The following TECRL variants were observed in gnomAD, a reference collection of about 807,000 sequenced individuals.
TECRL encodes the protein trans-2,3-enoyl-CoA reductase like.
TECRL carries 63 observed loss-of-function variants against 52.8 expected under a neutral mutation model. The observed-to-expected ratio is 1.19, with a 90% CI of 0.97 to 1.47. TECRL has a LOEUF of 1.47. TECRL is among the 40% of genes most tolerant of loss of function. TECRL has a pLI of 0.00. For missense variants in TECRL, 482 were observed against 429.6 expected, an observed-to-expected ratio of 1.12 and a Z score of -1.08; for synonymous variants, 164 against 141.9, an observed-to-expected ratio of 1.16 and a Z score of -1.10.
chr4:64,294,229 C>G lies in TECRL; in HGVS notation c.775-4462G>C, dbSNP rs927180234. Among the ~76,000 whole-genome samples the G allele has an allele frequency of 1.3e-5, 2 of 151,892 alleles. 1 individual carries two copies. Among genetic ancestry groups the G allele is most frequent in the South Asian group, 4.1e-4 (2 of 4,822 alleles). ...CTCAAACTCCTGACCTCAAGTGAAC[C>G]ACCTGCCTCAGCCTCGCAAAGAGCT... On this transcript the variant is annotated intron_variant, in intron 8 of 11. Transcript: ENST00000381210.
At chr4:64,366,382 G>A (rs1721598524) in intron 2 of TECRL, among the ~76,000 whole-genome samples, 1 of 152,048 alleles carries the variant, frequency 6.6e-6, no homozygotes, top group South Asian at 2.1e-4. Flanking sequence ...GATGCCAAAA[G>A]CAATTGCAAC....
chr4:64,352,976 C>A (rs545461630), intron 2 of TECRL, among the ~76,000 whole-genome samples: 1 of 152,152 alleles, frequency 6.6e-6, no homozygotes, highest in Non-Finnish European at 1.5e-5. Context: ...GCCTCAGCCT[C>A]CTGAGTAGCT....
At chr4:64,346,815 T>C (rs920240312) in intron 2 of TECRL, among the ~76,000 whole-genome samples, 8 of 152,224 alleles carry the variant, frequency 5.3e-5, no homozygotes, top group East Asian at 1.9e-4. Flanking sequence ...GGACTGCAAG[T>C]TTCTCCTAGT....
Position 64,323,179 on chromosome 4 carries a change from C to T in TECRL, c.332-387G>A, listed in dbSNP as rs543095112. ...CTTTGTCGAGCTGAGGTGAGCAGAT[C>T]GCTTGAGCCCAGGAGTTCCATCTTG... On this transcript the variant is annotated intron_variant, in intron 3 of 11. Coordinates refer to ENST00000381210, the MANE Select transcript of TECRL (RefSeq NM_001010874.5). 9.2e-5 allele frequency among the ~76,000 whole-genome samples: 14 copies of T among 151,834 alleles called. No homozygotes were observed. In the South Asian group the frequency reaches 2.5e-3, roughly 27 times the overall value.
intron 2 of TECRL, among the ~76,000 whole-genome samples, chr4:64,344,351 A>G (rs891979275): frequency 6.6e-6 from 1 of 152,084 alleles, no homozygotes; most frequent in Admixed American, 6.6e-5. Flanking sequence ...TAAAGACATG[A>G]TATTTGATGT....
At chr4:64,322,183 G>A (rs1717946210) in intron 4 of TECRL, among the ~76,000 whole-genome samples, 1 of 152,016 alleles carries the variant, frequency 6.6e-6, no homozygotes, top group South Asian at 2.1e-4. Flanking sequence ...CCCACCAGAT[G>A]CCTCCTTGTC....
At chr4:64,375,004 T>G (rs899754201) in intron 2 of TECRL, among the ~76,000 whole-genome samples, 168 bp downstream of exon 2, 1 of 152,140 alleles carries the variant, frequency 6.6e-6, no homozygotes, top group Admixed American at 6.6e-5. Context: ...TAGAGTTAAA[T>G]GCTAGAATAT....
rs533393082 is a variant in TECRL, at chr4:64,334,656, A to G, written c.287-6100T>C. On this transcript the variant is annotated intron_variant, in intron 2 of 11. Transcript: ENST00000381210. ...AATATAATCAGCAACTGCAGAAAAA[A>G]GTTTCTATAGGAAAACAAAGACATG... is the stretch of plus-strand genomic sequence containing the variant. Among the ~76,000 whole-genome samples the G allele has an allele frequency of 1.1e-4, 17 of 152,324 alleles. 1 individual carries two copies. Among genetic ancestry groups the G allele is most frequent in the African/African-American group, 3.8e-4 (16 of 41,580 alleles).
At chr4:64,349,143 T>C (rs1365211992) in intron 2 of TECRL, among the ~76,000 whole-genome samples, 5 of 147,772 alleles carry the variant, frequency 3.4e-5, no homozygotes, top group Admixed American at 1.4e-4. Context: ...ACGTTTTTTT[T>C]TTTTTTCAGA....
In TECRL at chr4:64,322,748, C is replaced by G. The variant is rs777964352; in HGVS notation, c.376G>C (p.Ala126Pro). The G allele has an allele frequency of 5.6e-6, 9 of 1,612,122 alleles. No homozygotes were observed. The highest frequency in any genetic ancestry group is 7.6e-6 in the Non-Finnish European group (9 of 1,179,074). The change falls in exon 4 of 12, where the codon GCT becomes CCT. Residue 126 changes from alanine to proline, a missense_variant. By Grantham distance (27) the Ala-to-Pro change is conservative (BLOSUM62 -1). Coordinates refer to ENST00000381210, the MANE Select transcript of TECRL (RefSeq NM_001010874.5). ...KDYITIQSIA[A>P]SSIVTLYATD... ...GCATACAGTGTGACAATGGAGGAAGCTGCAATACTTTGAATGGTAATGTAG... is the reference window on the plus strand; with the variant it reads ...GCATACAGTGTGACAATGGAGGAAGGTGCAATACTTTGAATGGTAATGTAG...
At chr4:64,402,549 G>T (rs1258535821) in intron 1 of TECRL, among the ~76,000 whole-genome samples, 1 of 152,008 alleles carries the variant, frequency 6.6e-6, no homozygotes, top group Admixed American at 6.6e-5. Context: ...ACATAAAGGA[G>T]TTGTCATCTC....
intron 8 of TECRL, among the ~76,000 whole-genome samples, chr4:64,290,703 A>C (rs1723332725): frequency 6.6e-6 from 1 of 152,110 alleles, no homozygotes; most frequent in Admixed American, 6.6e-5. Flanking sequence ...TAACTGGTAT[A>C]TATTTCAACA....
At chr4:64,352,674 T>C (rs1436864156) in intron 2 of TECRL, among the ~76,000 whole-genome samples, 3 of 152,218 alleles carry the variant, frequency 2.0e-5, no homozygotes, top group African/African-American at 4.8e-5. Context: ...AAATTGAAGC[T>C]GCTTTAAAAG....
chr4:64,406,102 A>G (rs780657932), intron 1 of TECRL, among the ~76,000 whole-genome samples: 1 of 151,858 alleles, frequency 6.6e-6, no homozygotes, highest in Non-Finnish European at 1.5e-5. Flanking sequence ...ATGGGCAAAA[A>G]CTAGAGACGA....
chr4:64,389,245 T>C (rs929585161), intron 1 of TECRL, among the ~76,000 whole-genome samples: 2 of 151,976 alleles, frequency 1.3e-5, no homozygotes, highest in African/African-American at 2.4e-5. Flanking sequence ...TGACGTGACC[T>C]GTAGGTCTTT....
intron 1 of TECRL, among the ~76,000 whole-genome samples, chr4:64,393,486 G>C (rs893425580): frequency 4.6e-5 from 7 of 152,032 alleles, no homozygotes; most frequent in Non-Finnish European, 8.8e-5. Flanking sequence ...AAAATTAATT[G>C]TATAATAATT....
At chr4:64,309,750 CAAT>C in intron 6 of TECRL, 73 bp downstream of exon 6, 3 of 944,956 alleles carry the variant, frequency 3.2e-6, no homozygotes, top group South Asian at 1.5e-5. Context: ...CGGAAGGAAA[CAAT>C]GATTAAATAT....
At chr4:64,338,435 A>G (rs767315731) in intron 2 of TECRL, among the ~76,000 whole-genome samples, 1 of 152,234 alleles carries the variant, frequency 6.6e-6, no homozygotes, top group Non-Finnish European at 1.5e-5. Flanking sequence ...GACAAATGGG[A>G]TCTAATTAAA....
chr4:64,291,754 T>C (rs1003577483), intron 8 of TECRL, among the ~76,000 whole-genome samples: 2 of 151,848 alleles, frequency 1.3e-5, no homozygotes, highest in Non-Finnish European at 2.9e-5. Context: ...TAACACCAAA[T>C]TTTTCATTAG....
Sources: allele counts gnomAD v4.1 joint callset (sites outside exome capture counted in the v4.1 genomes callset), GRCh38; gene constraint gnomAD v4.1.1; transcripts MANE v1.5; gene names NCBI Gene and HGNC (gene_info 2026-07-23, HGNC 2026-07-21).